The following LPIN3 variants were observed in gnomAD, a reference collection of about 807,000 sequenced individuals.
The protein encoded by LPIN3 is phosphatidate phosphatase LPIN3.
A neutral mutation model predicts 94.7 loss-of-function variants in LPIN3; 82 were observed. The observed-to-expected ratio is 0.87, with a 90% confidence interval of 0.72 to 1.04. The LOEUF (loss-of-function observed/expected upper bound fraction) is 1.04, where lower values mean the gene tolerates loss of function less well. LPIN3 is among the 50% of genes least tolerant of loss of function. The probability of loss-of-function intolerance (pLI) is 0.00; values close to 1 mark genes in which losing one functional copy is unlikely to be tolerated. For missense variants in LPIN3, 996 were observed against 1,090.5 expected (o/e 0.91, Z 1.22); for synonymous variants, 418 against 443.3 (o/e 0.94, Z 0.72).
At position 41,357,033 on chromosome 20, in the gene LPIN3, G is replaced by T; in HGVS notation, c.1804-7G>T. On this transcript the variant is annotated splice_polypyrimidine_tract_variant and splice_region_variant and intron_variant, in intron 14 of 19. Coordinates refer to ENST00000373257, the MANE Select transcript of LPIN3 (RefSeq NM_022896.3). ...ATCACGACACACCCCCCTTTGTCTG[G>T]CCTCAGCGGCGCCTGAACCTGCAAG... 1 of 1,610,188 alleles carries T rather than the reference G, an allele frequency of 6.2e-7. No individual in the cohort carries two copies. The highest frequency in any genetic ancestry group is 1.1e-5 in the South Asian group (1 of 90,982).
At chr20:41,350,540 G>C in intron 7 of LPIN3, 143 bp downstream of exon 7, 1 of 665,142 alleles carries the variant, frequency 1.5e-6, no homozygotes, top group Non-Finnish European at 2.5e-6. Flanking sequence ...TCACAGTGCA[G>C]TGTGGGAGAC....
rs376286443 is a variant in LPIN3 at position 41,348,709 on chromosome 20, G to A, written c.379G>A (p.Glu127Lys). 26 of 1,613,838 alleles carry A rather than the reference G, an allele frequency of 1.6e-5. No homozygotes were observed. Among genetic ancestry groups the A allele is most frequent in the Non-Finnish European group, 1.8e-5 (21 of 1,179,972 alleles). ...PSDSQLGTAS[E>K]PEGLVMAGTA... ...GGACTCCCAGCTGGGCACTGCCAGT[G>A]AGCCTGAGGGCCTCGTCATGGCAGG... The change falls in exon 4 of 20, where the codon GAG (glutamate) becomes AAG (lysine). Residue 127 changes from glutamate (E) to lysine (K), a missense_variant. By Grantham distance (56) the Glu-to-Lys change is moderately conservative. Coordinates refer to ENST00000373257, the MANE Select transcript of LPIN3 (RefSeq NM_022896.3).
At chr20:41,343,259 A>G (rs769546883) in intron 1 of LPIN3, among the ~76,000 whole-genome samples, 3 of 152,094 alleles carry the variant, frequency 2.0e-5, no homozygotes, top group Non-Finnish European at 4.4e-5. Context: ...CTTTGCCCCA[A>G]CCCCGGCTCT....
intron 5 of LPIN3, 71 bp downstream of exon 5, chr20:41,349,243 G>GTGTCATTAGTCATCAGGAAAA: frequency 7.5e-7 from 1 of 1,337,954 alleles, no homozygotes; most frequent in Non-Finnish European, 1.1e-6. Flanking sequence ...CATTTTTCCT[G>GTGTCATTAGTCATCAGGAAAA]ATGACTAATG....
intron 13 of LPIN3, among the ~76,000 whole-genome samples, chr20:41,355,117 C>T (rs1298612736): frequency 1.3e-5 from 2 of 152,134 alleles, no homozygotes; most frequent in Non-Finnish European, 2.9e-5. Context: ...CGGGTTCAAG[C>T]GATTTTCCTG....
intron 11 of LPIN3, 91 bp downstream of exon 11, chr20:41,352,958 G>C: frequency 7.0e-7 from 1 of 1,435,366 alleles, no homozygotes; most frequent in Non-Finnish European, 9.8e-7. Flanking sequence ...AGGGTGAGCA[G>C]AGATGGGCCT....
intron 15 of LPIN3, 69 bp downstream of exon 15, chr20:41,357,257 G>A: frequency 6.2e-7 from 1 of 1,605,418 alleles, no homozygotes; most frequent in South Asian, 1.1e-5. Flanking sequence ...TGTGCTGGGT[G>A]TGGTGGGGAG....
Position 41,349,161 on chromosome 20 carries a change from C to A in LPIN3, c.627C>A (p.Pro209=), listed in dbSNP as rs1054503959. 1.2e-6 allele frequency: 2 copies of A among 1,614,090 alleles called. No homozygotes were observed. The highest frequency in any genetic ancestry group is 4.5e-5 in the East Asian group (2 of 44,888). ...DIYPYSDGEW[P]PQASLSAGEL... ...ACCCCTACTCGGATGGCGAGTGGCC[C>A]CCCCAGGCCAGGTAAGAGTCCAGGT... is the stretch of plus-strand genomic sequence containing the variant. The change falls in exon 5 of 20, where the codon CCC becomes CCA. Residue 209 remains proline (P), a synonymous_variant. Coordinates refer to ENST00000373257, the MANE Select transcript of LPIN3 (RefSeq NM_022896.3).
chr20:41,351,300 A>ATTTT (rs149694237), intron 7 of LPIN3, among the ~76,000 whole-genome samples: 1 of 136,080 alleles, frequency 7.3e-6, no homozygotes, highest in East Asian at 2.2e-4. Context: ...ATAAAATTCC[A>ATTTT]TTTTTTTTTT....
At chr20:41,352,912 A>T in intron 11 of LPIN3, 45 bp downstream of exon 11, 1 of 1,600,674 alleles carries the variant, frequency 6.2e-7, no homozygotes, top group Non-Finnish European at 8.6e-7. Context: ...AGGTAGCCAT[A>T]GACTCAGGGC....
At chr20:41,347,952 G>A (rs1347361053) in intron 3 of LPIN3, among the ~76,000 whole-genome samples, 4 of 152,234 alleles carry the variant, frequency 2.6e-5, no homozygotes, top group African/African-American at 9.6e-5. Flanking sequence ...CAGGCAGCTT[G>A]AAGAGGAGGC....
Position 41,345,757 on chromosome 20 carries a change from G to A in LPIN3, c.-8-39G>A, listed in dbSNP as rs112756389. The A allele has an allele frequency of 1.2e-3, 1,952 of 1,574,538 alleles. 16 individuals carry two copies. Among genetic ancestry groups the A allele is most frequent in the South Asian group, 8.6e-3 (736 of 85,264 alleles). The stretch of plus-strand genomic sequence containing the variant: ...GCAGGAGCTTCTTGTGGAGGAGCTG[G>A]AGCAGACCTTTGTGCAAGCCACTGC... On this transcript the variant is annotated intron_variant, in intron 1 of 19. Coordinates refer to ENST00000373257, the MANE Select transcript of LPIN3 (RefSeq NM_022896.3).
chr20:41,358,318 GC>G lies in LPIN3; in HGVS notation c.2277del (p.Phe760SerfsTer39). The G allele has an allele frequency of 6.2e-7, 1 of 1,614,176 alleles. No homozygotes were observed. The highest frequency in any genetic ancestry group is 8.5e-7 in the Non-Finnish European group (1 of 1,180,036). ...IQQLFLPHGQPFYAAFGNRPN... is the reference protein window; with the variant it reads ...IQQLFLPHGQXFYAAFGNRPN... ...AGCAGCTGTTTCTGCCCCACGGACAGCCCTTCTATGCTGCCTTTGGGAATAG... is the reference window on the plus strand; with the variant it reads ...AGCAGCTGTTTCTGCCCCACGGACAGCCTTCTATGCTGCCTTTGGGAATAG... On this transcript the variant is annotated frameshift_variant, in exon 18 of 20. Coordinates refer to ENST00000373257, the MANE Select transcript of LPIN3 (RefSeq NM_022896.3). LOFTEE classifies it high-confidence loss of function.
At chr20:41,341,859 C>T (rs1017285936) in intron 1 of LPIN3, among the ~76,000 whole-genome samples, 1 of 152,206 alleles carries the variant, frequency 6.6e-6, no homozygotes, top group Admixed American at 6.5e-5. Flanking sequence ...CGCCTGTAGT[C>T]CCAGCTACTC....
chr20:41,356,675 C>T (rs1211610678), intron 14 of LPIN3, among the ~76,000 whole-genome samples: 3 of 152,202 alleles, frequency 2.0e-5, no homozygotes, highest in Admixed American at 2.0e-4. Flanking sequence ...GAGATCCCCA[C>T]AGGACCCCCA....
In LPIN3 at chr20:41,359,430, C is replaced by CT. The variant is rs1240473389; in HGVS notation, c.*564_*565insT. Reference sequence around the variant, plus strand: ...GGATTACAGGCATGAGCTACCATGCCAGGCCTCCTTGCAGGGTTTTCTATG... The same window carrying CT: ...GGATTACAGGCATGAGCTACCATGCCTAGGCCTCCTTGCAGGGTTTTCTATG... On this transcript the variant is annotated 3_prime_UTR_variant, in exon 20 of 20. Coordinates refer to ENST00000373257, the MANE Select transcript of LPIN3 (RefSeq NM_022896.3). 1 of 152,132 alleles carries CT rather than the reference C, an allele frequency of 6.6e-6. No homozygotes were observed. Among genetic ancestry groups the CT allele is most frequent in the Non-Finnish European group, 1.5e-5 (1 of 68,068 alleles). The allele number at this position is 152,132 out of a possible 1,614,324, so 9.4% of individuals were successfully genotyped here. A position where few individuals can be genotyped will look rare whatever the true frequency, so the allele number is the denominator to read the frequency against.
chr20:41,358,726 G>A lies in LPIN3; in HGVS notation c.2416G>A (p.Glu806Lys). The A allele has an allele frequency of 6.2e-7, 1 of 1,614,038 alleles. No individual in the cohort carries two copies. The highest frequency in any genetic ancestry group is 8.5e-7 in the Non-Finnish European group (1 of 1,179,970). The change falls in exon 20 of 20, where the codon GAG becomes AAG. Residue 806 changes from glutamate (E) to lysine (K), a missense_variant. By Grantham distance (56) the Glu-to-Lys change is moderately conservative. Coordinates refer to ENST00000373257, the MANE Select transcript of LPIN3 (RefSeq NM_022896.3). ...ELIKNHKSTY[E>K]RLGEVVELLF... ...CTGGCCCCCTTCTGCCTGTAGGTAT[G>A]AGCGGCTTGGTGAAGTGGTCGAGCT...
At chr20:41,349,985 C>A in intron 6 of LPIN3, 70 bp from the exon 7 acceptor site, 1 of 1,559,172 alleles carries the variant, frequency 6.4e-7, no homozygotes, top group South Asian at 1.2e-5. Context: ...ACTCGGGCCA[C>A]TGCCCCAAAA....
At position 41,352,093 on chromosome 20, in the gene LPIN3, A is replaced by G. The variant is rs1202508370; in HGVS notation, c.1236A>G (p.Glu412=). ...DSGLGARRWS[E]PSSQKSLRDP... ...GGCTGGGGGCCAGAAGATGGAGTGA[A>G]CCCAGCAGTCAGAAGTCCCTGAGGG... The change falls in exon 9 of 20, where the codon GAA becomes GAG. Residue 412 remains glutamate, a synonymous_variant. Coordinates refer to ENST00000373257, the MANE Select transcript of LPIN3 (RefSeq NM_022896.3). 1.2e-6 allele frequency: 2 copies of G among 1,614,172 alleles called. No individual in the cohort carries two copies. The highest frequency in any genetic ancestry group is 1.1e-5 in the South Asian group (1 of 91,086).
Sources: allele counts gnomAD v4.1 joint callset (sites outside exome capture counted in the v4.1 genomes callset), GRCh38; gene constraint gnomAD v4.1.1; transcripts MANE v1.5; gene names NCBI Gene and HGNC (gene_info 2026-07-23, HGNC 2026-07-21).